Variants in MRAS observed in about 807,000 individuals in gnomAD.
MRAS encodes the protein ras-related protein M-Ras.
In MRAS, 4 loss-of-function variants were observed where a neutral mutation model predicts 20.9. That is an observed-to-expected ratio of 0.19 (90% CI 0.09 to 0.44). MRAS has a LOEUF of 0.44. Among genes scored for constraint, MRAS ranks in the 20% least tolerant of loss-of-function variants. The pLI is 0.99. For missense variants in MRAS, 154 were observed against 277.5 expected, an observed-to-expected ratio of 0.56 and a Z score of 3.16; for synonymous variants, 98 against 102.9, an observed-to-expected ratio of 0.95 and a Z score of 0.29.
chr3:138,378,519 C>T (rs907603118), intron 2 of MRAS, among the ~76,000 whole-genome samples: 1 of 152,174 alleles, frequency 6.6e-6, no homozygotes, highest in African/African-American at 2.4e-5. Context: ...CCCGTCTGGT[C>T]CCTGCTTCTC....
rs944910433 is a variant in MRAS, at chr3:138,402,470, CAAGG to C, written c.*205_*208del. 12 of 530,578 alleles carry C rather than the reference CAAGG, an allele frequency of 2.3e-5. No individual in the cohort carries two copies. Among genetic ancestry groups the C allele is most frequent in the African/African-American group, 1.9e-4 (10 of 52,108 alleles). The allele number at this position is 530,578 out of a possible 1,614,324, so 32.9% of individuals were successfully genotyped here. A position where few individuals can be genotyped will look rare whatever the true frequency, so the allele number is the denominator to read the frequency against. ...CGGGCTTTCCCACCTCTCAAAGAGA[CAAGG>C]AAGCCACCTGTAAGCAGAAGCAGCA... On this transcript the variant is annotated 3_prime_UTR_variant, in exon 6 of 6. Coordinates refer to ENST00000423968, the MANE Select transcript of MRAS (RefSeq NM_001085049.3).
At chr3:138,379,775 G>A (rs925968064) in intron 2 of MRAS, among the ~76,000 whole-genome samples, 4 of 152,158 alleles carry the variant, frequency 2.6e-5, no homozygotes, top group African/African-American at 7.2e-5. Flanking sequence ...TGTGACTAGC[G>A]CTATGATAAA....
rs12634873 is a variant in MRAS at position 138,374,151 on chromosome 3, C to T, written c.193+1075C>T. Among the ~76,000 whole-genome samples the T allele has an allele frequency of 5.9e-4, 89 of 151,854 alleles. 2 individuals are homozygous for T. The East Asian group carries it at 0.016, about 27-fold the overall frequency. ...ATTTTTTTTGTATTTTTAGTAGAGA[C>T]GGGGTTTCACCATGTTGGCCAGGAT... On this transcript the variant is annotated intron_variant, in intron 2 of 5. Coordinates refer to ENST00000423968, the MANE Select transcript of MRAS (RefSeq NM_001085049.3).
chr3:138,348,144 T>C (rs1230626314), upstream of MRAS: 1 of 152,274 alleles, frequency 6.6e-6, no homozygotes, highest in African/African-American at 2.4e-5. Flanking sequence ...TCGAAGGGAA[T>C]GCAGCTAAGG....
chr3:138,353,918 TC>T (rs1381490690), intron 1 of MRAS, among the ~76,000 whole-genome samples: 1 of 152,246 alleles, frequency 6.6e-6, no homozygotes, highest in Admixed American at 6.5e-5. Flanking sequence ...GTCTGTCTCT[TC>T]CTGAAGTGCA....
rs536169774 is a variant in MRAS, at chr3:138,402,460, C to T, written c.*191C>T. ...CCAGAGGGCACGGGCTTTCCCACCT[C>T]TCAAAGAGACAAGGAAGCCACCTGT... On this transcript the variant is annotated 3_prime_UTR_variant, in exon 6 of 6. Transcript: ENST00000423968. The T allele has an allele frequency of 5.5e-6, 3 of 549,480 alleles. No homozygotes were observed. The highest frequency in any genetic ancestry group is 6.1e-5 in the East Asian group (2 of 32,606). 34.0% of individuals were successfully genotyped at this position (549,480 alleles called of 1,614,324 possible).
intron 1 of MRAS, among the ~76,000 whole-genome samples, chr3:138,371,087 T>G (rs1485118026): frequency 6.6e-6 from 1 of 152,230 alleles, no homozygotes; most frequent in Non-Finnish European, 1.5e-5. Context: ...GATTATCTCC[T>G]TAGAATAAAT....
chr3:138,363,832 C>CG (rs1393662549), intron 1 of MRAS, among the ~76,000 whole-genome samples: 12 of 123,904 alleles, frequency 9.7e-5, no homozygotes, highest in African/African-American at 2.7e-4. Context: ...CCCCCCCCCC[C>CG]CCAAACCACA....
intron 1 of MRAS, among the ~76,000 whole-genome samples, chr3:138,362,960 CTT>C (rs2054480468): frequency 6.6e-6 from 1 of 152,106 alleles, no homozygotes; most frequent in African/African-American, 2.4e-5. Flanking sequence ...GTCTCCTTGG[CTT>C]TTCATGCCTC....
At chr3:138,368,449 T>C (rs2054607843) in intron 1 of MRAS, among the ~76,000 whole-genome samples, 1 of 152,202 alleles carries the variant, frequency 6.6e-6, no homozygotes, top group African/African-American at 2.4e-5. Flanking sequence ...AGTCTCCAAC[T>C]AACCCACTTT....
chr3:138,399,287 G>A (rs1401472831), intron 4 of MRAS, among the ~76,000 whole-genome samples: 1 of 152,232 alleles, frequency 6.6e-6, no homozygotes, highest in Non-Finnish European at 1.5e-5. Flanking sequence ...GGGATAGTGA[G>A]ACCTGGAAAG....
rs764936398 is a variant in MRAS, at chr3:138,372,862, G to A, written c.-18-4G>A. 26 of 1,503,786 alleles carry A rather than the reference G, an allele frequency of 1.7e-5. No homozygotes were observed. The highest frequency in any genetic ancestry group is 8.2e-5 in the Admixed American group (3 of 36,550). The allele number at this position is 1,503,786 out of a possible 1,614,324, so 93.2% of individuals were successfully genotyped here. On this transcript the variant is annotated splice_region_variant and splice_polypyrimidine_tract_variant and intron_variant, in intron 1 of 5. Transcript: ENST00000423968. ...GTCTCATTCCACATGTCTTGCTGCC[G>A]CAGGTCTGACCTACGAGAAACATGG...
chr3:138,378,878 C>T (rs189832316), intron 2 of MRAS, among the ~76,000 whole-genome samples: 1 of 152,146 alleles, frequency 6.6e-6, no homozygotes, highest in Admixed American at 6.5e-5. Flanking sequence ...ACTCCCCATT[C>T]TCCCCTCTCC....
intron 1 of MRAS, among the ~76,000 whole-genome samples, chr3:138,369,022 A>G (rs1226773819): frequency 6.6e-6 from 1 of 152,126 alleles, no homozygotes; most frequent in Non-Finnish European, 1.5e-5. Flanking sequence ...CTTGATTCCA[A>G]GGGTCCTGTC....
chr3:138,373,473 T>A (rs533174028), intron 2 of MRAS, among the ~76,000 whole-genome samples: 1 of 152,342 alleles, frequency 6.6e-6, no homozygotes, highest in Non-Finnish European at 1.5e-5. Context: ...CTCTTGCATC[T>A]GACATTGTGT....
Position 138,400,530 on chromosome 3 carries a change from C to T in MRAS, c.448-4C>T, listed in dbSNP as rs2108567510. ...CTTTGATCAAGTTGAGCTTTGCCTT[C>T]CAGATTCCGTACATAGAAACCAGTG... On this transcript the variant is annotated splice_polypyrimidine_tract_variant and splice_region_variant and intron_variant, in intron 4 of 5. Coordinates refer to ENST00000423968, the MANE Select transcript of MRAS (RefSeq NM_001085049.3). 1.9e-6 allele frequency: 3 copies of T among 1,610,460 alleles called. No individual in the cohort carries two copies. The highest frequency in any genetic ancestry group is 2.5e-6 in the Non-Finnish European group (3 of 1,176,674).
intron 2 of MRAS, among the ~76,000 whole-genome samples, chr3:138,377,947 T>A (rs2054819427): frequency 6.6e-6 from 1 of 152,244 alleles, no homozygotes; most frequent in African/African-American, 2.4e-5. Flanking sequence ...TGTTTTATAG[T>A]TGAAGAAAAT....
At chr3:138,398,621 C>A in intron 4 of MRAS, 53 bp downstream of exon 4, 1 of 1,476,746 alleles carries the variant, frequency 6.8e-7, no homozygotes, top group Non-Finnish European at 9.5e-7. Context: ...AAAGCTGTAG[C>A]CTGGTCACCC....
intron 4 of MRAS, chr3:138,400,262 AT>A (rs2055331951): frequency 2.7e-6 from 1 of 369,990 alleles, no homozygotes. Flanking sequence ...ATCTTCAAGT[AT>A]ATAAAAAGAT....
Sources: allele counts gnomAD v4.1 joint callset (sites outside exome capture counted in the v4.1 genomes callset), GRCh38; gene constraint gnomAD v4.1.1; transcripts MANE v1.5; gene names NCBI Gene and HGNC (gene_info 2026-07-23, HGNC 2026-07-21).